The following DCT variants were observed in gnomAD, a reference collection of about 807,000 sequenced individuals.
DCT encodes dopachrome tautomerase.
In DCT, 47 loss-of-function variants were observed where a neutral mutation model predicts 53.0. That is an observed-to-expected ratio of 0.89 (90% CI 0.70 to 1.13). The LOEUF (loss-of-function observed/expected upper bound fraction) is 1.13, where lower values mean the gene tolerates loss of function less well. Among genes scored for constraint, DCT ranks in the 50% most tolerant of loss-of-function variants. DCT has a pLI of 0.00. For missense variants in DCT, 669 were observed against 637.4 expected (o/e 1.05, Z -0.53); for synonymous variants, 244 against 237.0 (o/e 1.03, Z -0.27).
At chr13:94,471,945 T>A (rs1884672461) in intron 1 of DCT, among the ~76,000 whole-genome samples, 1 of 152,154 alleles carries the variant, frequency 6.6e-6, no homozygotes, top group Admixed American at 6.6e-5. Flanking sequence ...TAGATGGGAA[T>A]TTTTTGTACT....
chr13:94,473,394 G>T (rs879845444), intron 1 of DCT, among the ~76,000 whole-genome samples: 2 of 152,176 alleles, frequency 1.3e-5, no homozygotes, highest in Admixed American at 1.3e-4. Flanking sequence ...AAGCTGTGAT[G>T]TTCATAGATT....
At chr13:94,512,745 C>A in the DCT span, among the ~76,000 whole-genome samples, 2 of 151,806 alleles carry the variant, frequency 1.3e-5, no homozygotes, top group African/African-American at 4.8e-5. Flanking sequence ...TATATACATA[C>A]ACACACACAC....
intron 4 of DCT, chr13:94,465,325 T>G (rs1176271417): frequency 5.1e-6 from 1 of 196,132 alleles, no homozygotes; most frequent in African/African-American, 2.3e-5. Context: ...CAAAAGAAAT[T>G]GTGGTTTTTG....
chr13:94,536,961 AG>A, the DCT span, among the ~76,000 whole-genome samples: 1 of 152,164 alleles, frequency 6.6e-6, no homozygotes, highest in South Asian at 2.1e-4. Flanking sequence ...AAAACAAAAA[AG>A]CTTCCTGACA....
chr13:94,536,086 A>C, the DCT span, among the ~76,000 whole-genome samples: 1 of 152,186 alleles, frequency 6.6e-6, no homozygotes, highest in Non-Finnish European at 1.5e-5. Context: ...TAAATGACAA[A>C]ATCTTTCCAG....
chr13:94,482,512 T>C (rs894504243), upstream of DCT, among the ~76,000 whole-genome samples: 1 of 152,232 alleles, frequency 6.6e-6, no homozygotes, highest in Non-Finnish European at 1.5e-5. Flanking sequence ...TATTTTATTT[T>C]CTTCATAGCA....
the DCT span, among the ~76,000 whole-genome samples, chr13:94,514,806 C>T: frequency 6.6e-6 from 1 of 152,106 alleles, no homozygotes; most frequent in Non-Finnish European, 1.5e-5. Flanking sequence ...GTGAGGAGCT[C>T]GGCAGATGTA....
At chr13:94,526,298 T>C in the DCT span, among the ~76,000 whole-genome samples, 2 of 152,176 alleles carry the variant, frequency 1.3e-5, no homozygotes, top group African/African-American at 4.8e-5. Flanking sequence ...CTTCAAGCAA[T>C]TGAGAACCAG....
In DCT at chr13:94,440,021, T is replaced by A. The variant is rs1408244886; in HGVS notation, c.1437A>T (p.Thr479=). 1.9e-6 allele frequency: 3 copies of A among 1,613,950 alleles called. No homozygotes were observed. In the African/African-American group the frequency reaches 4.0e-5, roughly 22 times the overall value. The change falls in exon 8 of 8, where the codon ACA becomes ACT. Residue 479 remains threonine, a synonymous_variant. Transcript: ENST00000377028. ...WPTTLLVVMG[T]LVALVGLFVL... ...CAAAAAGACCAACCAAAGCCACCAG[T>A]GTTCCCATGACTACTAAGAGAGTTG...
At chr13:94,537,016 C>G in the DCT span, among the ~76,000 whole-genome samples, 1 of 152,176 alleles carries the variant, frequency 6.6e-6, no homozygotes, top group African/African-American at 2.4e-5. Context: ...GTTTGCCCAG[C>G]CTGCAGAACC....
chr13:94,477,332 A>T (rs926400816), intron 1 of DCT, among the ~76,000 whole-genome samples: 1 of 152,108 alleles, frequency 6.6e-6, no homozygotes, highest in Non-Finnish European at 1.5e-5. Flanking sequence ...CTGACCTCAA[A>T]GTGACCCACC....
the DCT span, among the ~76,000 whole-genome samples, chr13:94,514,137 G>A: frequency 1.4e-4 from 21 of 152,108 alleles, no homozygotes; most frequent in African/African-American, 5.1e-4. Flanking sequence ...GAAAGCAAAA[G>A]CCATCGACAC....
In DCT at chr13:94,443,716, A is replaced by G. The variant is rs1882520011; in HGVS notation, c.1180-79T>C. ...CCAACCTGACTGTTGCTTTCTCTAA[A>G]GTGGAATAACTTCTTCTTGACATAG... On this transcript the variant is annotated intron_variant, in intron 6 of 7. Transcript: ENST00000377028. The G allele has an allele frequency of 3.4e-6, 4 of 1,166,588 alleles. No homozygotes were observed. In the Admixed American group the frequency reaches 7.7e-5, roughly 23 times the overall value. The allele number at this position is 1,166,588 out of a possible 1,614,324, so 72.3% of individuals were successfully genotyped here.
At chr13:94,472,548 A>T (rs1379865319) in intron 1 of DCT, among the ~76,000 whole-genome samples, 2 of 25,426 alleles carry the variant, frequency 7.9e-5, no homozygotes, top group Non-Finnish European at 6.7e-5. Context: ...ATATATATAT[A>T]TATATATATA....
the DCT span, among the ~76,000 whole-genome samples, chr13:94,534,910 G>A: frequency 3.9e-5 from 6 of 152,170 alleles, no homozygotes; most frequent in Admixed American, 1.3e-4. Flanking sequence ...CCAAATAAAT[G>A]TGGTTTGTTT....
chr13:94,520,907 C>T, the DCT span, among the ~76,000 whole-genome samples: 1 of 152,252 alleles, frequency 6.6e-6, no homozygotes, highest in South Asian at 2.1e-4. Flanking sequence ...CAGAATTATC[C>T]GTATCCATTT....
chr13:94,527,036 G>A, the DCT span, among the ~76,000 whole-genome samples: 1 of 152,178 alleles, frequency 6.6e-6, no homozygotes. Flanking sequence ...AACAGTCTGA[G>A]ATTGACCCGC....
chr13:94,472,568 A>ATTTTT (rs869190962), intron 1 of DCT, among the ~76,000 whole-genome samples: 2 of 15,034 alleles, frequency 1.3e-4, no homozygotes, highest in African/African-American at 7.3e-4. Context: ...ATATATATAT[A>ATTTTT]TTTTTTTTTT....
the DCT span, among the ~76,000 whole-genome samples, chr13:94,497,810 C>A: frequency 2.6e-5 from 4 of 151,506 alleles, no homozygotes; most frequent in Non-Finnish European, 5.9e-5. Context: ...TAACTTTTAT[C>A]AAAAAAAACT....
Sources: allele counts gnomAD v4.1 joint callset (sites outside exome capture counted in the v4.1 genomes callset), GRCh38; gene constraint gnomAD v4.1.1; transcripts MANE v1.5; gene names NCBI Gene and HGNC (gene_info 2026-07-23, HGNC 2026-07-21).